Variants in TCEA3 observed in about 807,000 individuals in gnomAD.
TCEA3 encodes the protein transcription elongation factor A protein 3.
In TCEA3, 36 loss-of-function variants were observed where a neutral mutation model predicts 44.0. That is an observed-to-expected ratio of 0.82 (90% confidence interval 0.63 to 1.08). TCEA3 has a LOEUF of 1.08. TCEA3 is among the 50% of genes least tolerant of loss of function. The pLI, the probability that TCEA3 is intolerant of heterozygous loss-of-function variation, is 0.00. For missense variants in TCEA3, 392 were observed against 441.2 expected, an observed-to-expected ratio of 0.89 and a Z score of 1.00; for synonymous variants, 162 against 159.7, an observed-to-expected ratio of 1.01 and a Z score of -0.11.
At chr1:23,387,482 G>C (rs1252518444) in intron 8 of TCEA3, 63 bp from the exon 9 acceptor site, 3 of 1,498,622 alleles carry the variant, frequency 2.0e-6, no homozygotes, top group Non-Finnish European at 2.7e-6. Flanking sequence ...CCTACACCCG[G>C]TTTCTAGAAA....
intron 7 of TCEA3, among the ~76,000 whole-genome samples, chr1:23,395,835 A>C (rs1639200581): frequency 6.6e-6 from 1 of 151,986 alleles, no homozygotes; most frequent in African/African-American, 2.4e-5. Flanking sequence ...CTCAAAAAAA[A>C]AAAAAAAAAG....
chr1:23,382,769 AG>A (rs1175557888), intron 10 of TCEA3, among the ~76,000 whole-genome samples: 2 of 152,340 alleles, frequency 1.3e-5, no homozygotes, highest in East Asian at 3.9e-4. Flanking sequence ...TAGTGAGTTC[AG>A]GTCACTGAGT....
At chr1:23,383,966 G>C (rs2148540898) in intron 10 of TCEA3, 17 of 1,065,384 alleles carry the variant, frequency 1.6e-5, no homozygotes, top group Non-Finnish European at 1.9e-5. Flanking sequence ...GCTGTGGCCA[G>C]GTTCAAAGGA....
chr1:23,397,626 G>GT, intron 6 of TCEA3, 25 bp from the exon 7 acceptor site: 2 of 1,612,296 alleles, frequency 1.2e-6, no homozygotes, highest in Non-Finnish European at 1.7e-6. Flanking sequence ...AGAAATACAG[G>GT]TATCAGCCAG....
chr1:23,405,609 A>T (rs75895373), intron 5 of TCEA3, among the ~76,000 whole-genome samples: 1 of 140,306 alleles, frequency 7.1e-6, no homozygotes, highest in South Asian at 2.3e-4. Flanking sequence ...AAAAAAAAAA[A>T]TTAATGAGAC....
At chr1:23,407,703 C>T (rs1224102984) in intron 5 of TCEA3, among the ~76,000 whole-genome samples, 1 of 152,100 alleles carries the variant, frequency 6.6e-6, no homozygotes, top group Non-Finnish European at 1.5e-5. Flanking sequence ...TGAACTTTAC[C>T]TGTCTCCCCC....
chr1:23,417,081 C>G (rs901375112), intron 4 of TCEA3, among the ~76,000 whole-genome samples, 168 bp downstream of exon 4: 2 of 152,224 alleles, frequency 1.3e-5, no homozygotes, highest in African/African-American at 4.8e-5. Context: ...TCTTGTGAGT[C>G]TAACATCTGG....
intron 4 of TCEA3, among the ~76,000 whole-genome samples, chr1:23,412,826 A>G (rs1286945900): frequency 6.6e-6 from 1 of 152,262 alleles, no homozygotes; most frequent in Non-Finnish European, 1.5e-5. Context: ...TCTGATGTGC[A>G]CAAATATTTC....
At chr1:23,408,232 G>A (rs1428397977) in intron 5 of TCEA3, among the ~76,000 whole-genome samples, 2 of 152,168 alleles carry the variant, frequency 1.3e-5, no homozygotes, top group East Asian at 3.8e-4. Context: ...AAAGTGCTGG[G>A]ATTACAGGCA....
At chr1:23,397,417 CA>C (rs1222082107) in intron 7 of TCEA3, 127 bp downstream of exon 7, 14 of 778,404 alleles carry the variant, frequency 1.8e-5, no homozygotes, top group Middle Eastern at 3.8e-4. Flanking sequence ...AACTCTGGTT[CA>C]GGGGCAGAGC....
At chr1:23,420,689 C>A (rs539733379) in intron 1 of TCEA3, among the ~76,000 whole-genome samples, 1 of 152,176 alleles carries the variant, frequency 6.6e-6, no homozygotes, top group Non-Finnish European at 1.5e-5. Context: ...GTAAAGAGAA[C>A]CGTTCTAATC....
At position 23,397,552 on chromosome 1, in the gene TCEA3, G is replaced by A. The variant is rs1020258736; in HGVS notation, c.657C>T (p.Ile219=). 1.2e-5 allele frequency: 20 copies of A among 1,613,802 alleles called. No homozygotes were observed. Among genetic ancestry groups the A allele is most frequent in the Middle Eastern group, 1.7e-4 (1 of 5,984 alleles). The change falls in exon 7 of 11, where the codon ATC becomes ATT. Residue 219 remains isoleucine, a synonymous_variant. Transcript: ENST00000450454. The part of the protein sequence containing the change: ...GVNCDKMASE[I]EDHIYQELKS... ...GGCACAGTTCAAGGATATGATCTTC[G>A]ATTTCTGATGCCATCTTGTCACAGT...
At chr1:23,404,366 ACTC>A (rs1248170353) in intron 5 of TCEA3, among the ~76,000 whole-genome samples, 6 of 149,320 alleles carry the variant, frequency 4.0e-5, no homozygotes, top group East Asian at 4.0e-4. Context: ...CGCCTCCCAA[ACTC>A]CTCCTATTGA....
chr1:23,399,091 T>A lies in TCEA3; in HGVS notation c.444-1136A>T, dbSNP rs905833123. Among the ~76,000 whole-genome samples the A allele has an allele frequency of 2.8e-5, 4 of 144,298 alleles. No individual in the cohort carries two copies. The East Asian group carries it at 6.1e-4, about 22-fold the overall frequency. The allele number at this position is 144,298 out of a possible 152,430, so 94.7% of individuals were successfully genotyped here. A position where few individuals can be genotyped will look rare whatever the true frequency, so the allele number is the denominator to read the frequency against. On this transcript the variant is annotated intron_variant, in intron 5 of 10. Transcript: ENST00000450454. The stretch of plus-strand genomic sequence containing the variant: ...CCAACACCTATGCTATAATCTATGA[T>A]GTACTATCTAAGAATTATCTCATTC...
At chr1:23,408,604 A>G (rs1213818308) in intron 5 of TCEA3, 60 bp downstream of exon 5, 19 of 1,540,372 alleles carry the variant, frequency 1.2e-5, no homozygotes, top group Non-Finnish European at 1.7e-5. Context: ...CCATAAAAAC[A>G]GAGAAGGGGA....
At chr1:23,423,866 C>G (rs1447046941) in intron 1 of TCEA3, 1 of 455,918 alleles carries the variant, frequency 2.2e-6, no homozygotes, top group Non-Finnish European at 4.4e-6. Flanking sequence ...AACCTCCCGC[C>G]GAGCCCGCTC....
At chr1:23,395,632 C>T (rs946591191) in intron 7 of TCEA3, among the ~76,000 whole-genome samples, 1 of 152,036 alleles carries the variant, frequency 6.6e-6, no homozygotes, top group Non-Finnish European at 1.5e-5. Context: ...TCAAGACCAG[C>T]CTGGCCAACA....
At chr1:23,406,678 G>A (rs772254718) in intron 5 of TCEA3, among the ~76,000 whole-genome samples, 93 of 152,032 alleles carry the variant, frequency 6.1e-4, no homozygotes, top group African/African-American at 2.1e-3. Flanking sequence ...ATGGAGTCTC[G>A]TTCCATCCCC....
chr1:23,386,911 G>A (rs1443884624), intron 9 of TCEA3, among the ~76,000 whole-genome samples: 2 of 152,100 alleles, frequency 1.3e-5, no homozygotes, highest in Non-Finnish European at 2.9e-5. Context: ...TAGCAGAGAC[G>A]GGGTTTCACC....
Sources: gnomAD v4.1 joint callset for allele counts (sites outside exome capture counted in the v4.1 genomes callset) on GRCh38, gnomAD v4.1.1 for gene constraint, MANE v1.5 for transcripts, NCBI Gene and HGNC (gene_info 2026-07-23, HGNC 2026-07-21) for gene names.